The following C4orf50 variants were observed in gnomAD, a reference collection of about 807,000 sequenced individuals.
C4orf50 encodes chromosome 4 open reading frame 50.
In C4orf50, 80 loss-of-function variants were observed where a neutral mutation model predicts 77.2. The observed-to-expected ratio is 1.04, with a 90% CI of 0.87 to 1.25. The LOEUF is 1.25. Ranked by LOEUF, C4orf50 falls within the 50% of genes most tolerant of loss-of-function variation. The pLI, the probability that C4orf50 is intolerant of heterozygous loss-of-function variation, is 0.00. For missense variants in C4orf50, 1,257 were observed against 1,152.9 expected (o/e 1.09, Z -1.31); for synonymous variants, 532 against 465.3 (o/e 1.14, Z -1.84).
chr4:5,962,238 T>C (rs4276238), intron 33 of C4orf50, among the ~76,000 whole-genome samples: 101,559 of 152,104 alleles, frequency 0.67, 34,706 homozygotes, highest in African/African-American at 0.74. Context: ...ACATTTAAAT[T>C]GACATTCTGC....
intron 23 of C4orf50, among the ~76,000 whole-genome samples, chr4:6,014,055 T>C (rs1722593845): frequency 6.6e-6 from 1 of 150,648 alleles, no homozygotes; most frequent in Admixed American, 6.7e-5. Context: ...CAGGCTGGAG[T>C]GCAATGGCGT....
intron 33 of C4orf50, among the ~76,000 whole-genome samples, chr4:5,964,381 A>C (rs1719434839): frequency 2.6e-5 from 4 of 152,274 alleles, no homozygotes; most frequent in Middle Eastern, 3.4e-3. Context: ...ACCTGCCCTG[A>C]GCAGAACAAA....
intron 7 of C4orf50, among the ~76,000 whole-genome samples, chr4:5,936,855 G>C (rs941449220): frequency 6.6e-6 from 1 of 151,976 alleles, no homozygotes; most frequent in Admixed American, 6.6e-5. Flanking sequence ...AATAGAAGAT[G>C]CTAAAAGCAA....
chr4:5,945,102 T>C (rs763112547), intron 7 of C4orf50, among the ~76,000 whole-genome samples: 1 of 152,076 alleles, frequency 6.6e-6, no homozygotes, highest in African/African-American at 2.4e-5. Flanking sequence ...GGAGCGTGCA[T>C]GGGGAGGTGC....
chr4:5,936,068 T>A (rs568257504), intron 7 of C4orf50, among the ~76,000 whole-genome samples: 15 of 152,216 alleles, frequency 9.9e-5, no homozygotes, highest in Admixed American at 2.6e-4. Context: ...TTTTAGGTTA[T>A]TTTGGTAGGT....
chr4:5,939,056 A>G (rs529527279), intron 7 of C4orf50, among the ~76,000 whole-genome samples: 2 of 152,312 alleles, frequency 1.3e-5, no homozygotes, highest in South Asian at 2.1e-4. Flanking sequence ...AGCCTGGCCA[A>G]CATGGTGAAA....
intron 7 of C4orf50, chr4:5,904,271 C>T (rs956751339): frequency 6.6e-6 from 1 of 152,268 alleles, no homozygotes; most frequent in Non-Finnish European, 1.5e-5. Flanking sequence ...GAAATGGTGT[C>T]AGAGGAAGCA....
intron 33 of C4orf50, among the ~76,000 whole-genome samples, chr4:5,960,104 G>A (rs1373772207): frequency 3.3e-5 from 5 of 152,112 alleles, no homozygotes; most frequent in Non-Finnish European, 7.3e-5. Context: ...CTATCATCAG[G>A]CCCACTTTAT....
chr4:5,991,437 T>G (rs1350894267), intron 27 of C4orf50, among the ~76,000 whole-genome samples: 1 of 152,196 alleles, frequency 6.6e-6, no homozygotes, highest in African/African-American at 2.4e-5. Flanking sequence ...GACTTCATCT[T>G]TGTTCAACTC....
intron 25 of C4orf50, among the ~76,000 whole-genome samples, chr4:5,998,925 C>T (rs900541468): frequency 6.6e-6 from 1 of 152,188 alleles, no homozygotes; most frequent in African/African-American, 2.4e-5. Flanking sequence ...AACCCTGTCC[C>T]CAAACTCCTC....
intron 7 of C4orf50, among the ~76,000 whole-genome samples, chr4:5,949,239 A>G (rs1718619247): frequency 6.6e-6 from 1 of 152,198 alleles, no homozygotes; most frequent in East Asian, 1.9e-4. Flanking sequence ...AAGAAAATAA[A>G]AAGAGAAGGA....
intron 7 of C4orf50, among the ~76,000 whole-genome samples, chr4:5,951,319 C>T (rs561363678): frequency 1.0e-4 from 13 of 129,914 alleles, no homozygotes; most frequent in Non-Finnish European, 2.0e-4. Context: ...ATAGTAAAGC[C>T]ACCTGCATTG....
chr4:5,931,145 C>T (rs1717751677), intron 7 of C4orf50, among the ~76,000 whole-genome samples: 1 of 152,166 alleles, frequency 6.6e-6, no homozygotes, highest in South Asian at 2.1e-4. Flanking sequence ...AGGAACTCGC[C>T]AAGACTGGGG....
intron 7 of C4orf50, among the ~76,000 whole-genome samples, chr4:5,921,975 C>T (rs1363747728): frequency 6.6e-6 from 1 of 152,078 alleles, no homozygotes; most frequent in Non-Finnish European, 1.5e-5. Flanking sequence ...GGAAAAAAGC[C>T]CCCGAAGGAA....
At position 6,000,519 on chromosome 4, in the gene C4orf50, G is replaced by T. The variant is rs184293410; in HGVS notation, c.964-6043C>A. On this transcript the variant is annotated intron_variant, in intron 25 of 33. Transcript: ENST00000531445. The surrounding 1 kb of genome is among the most constrained non-coding windows in gnomAD (Gnocchi z 6.0). ...TCCTTCTGAGAGATGGACAGAGACT[G>T]GCAGCCTTGTCACATGCTGCAGCCT... is the stretch of plus-strand genomic sequence containing the variant. 1.6e-3 allele frequency among the ~76,000 whole-genome samples: 237 copies of T among 152,252 alleles called. 1 individual carries two copies. The highest frequency in any genetic ancestry group is 4.7e-4 in the Non-Finnish European group (32 of 68,018).
At chr4:5,991,434 T>C (rs1444037833) in intron 27 of C4orf50, among the ~76,000 whole-genome samples, 1 of 152,198 alleles carries the variant, frequency 6.6e-6, no homozygotes, top group African/African-American at 2.4e-5. Flanking sequence ...CAGGACTTCA[T>C]CTTTGTTCAA....
intron 7 of C4orf50, among the ~76,000 whole-genome samples, chr4:5,931,311 C>T (rs775283917): frequency 1.3e-5 from 2 of 152,148 alleles, no homozygotes; most frequent in Non-Finnish European, 2.9e-5. Context: ...GCAAGGGACA[C>T]CTAGTAAGTA....
chr4:5,934,087 A>G (rs1455615940), intron 7 of C4orf50, among the ~76,000 whole-genome samples: 1 of 151,528 alleles, frequency 6.6e-6, no homozygotes, highest in Non-Finnish European at 1.5e-5. Context: ...ACATCTTCCC[A>G]CTCCAACACA....
chr4:6,010,390 C>G (rs1430611221), intron 24 of C4orf50, among the ~76,000 whole-genome samples: 1 of 152,204 alleles, frequency 6.6e-6, no homozygotes, highest in Non-Finnish European at 1.5e-5. Flanking sequence ...GAATCCTTAT[C>G]TTTCCACTTC....
Sources: gnomAD v4.1 joint callset for allele counts (sites outside exome capture counted in the v4.1 genomes callset) on GRCh38, gnomAD v4.1.1 for gene constraint, Gnocchi (gnomAD v3.1) non-coding constraint, MANE v1.5 for transcripts, NCBI Gene and HGNC (gene_info 2026-07-23, HGNC 2026-07-21) for gene names.